HACL1: variants seen among roughly 807,000 people sequenced by gnomAD.
HACL1 encodes 1600020H07Rik.
Under a neutral mutation model 74.2 loss-of-function variants are expected in HACL1, and 64 were observed. The ratio of observed to expected loss-of-function variants is 0.86; its 90% CI spans 0.70 to 1.06. The LOEUF is 1.06. HACL1 is among the 50% of genes least tolerant of loss of function. HACL1 has a pLI of 0.00. For missense variants in HACL1, 728 were observed against 719.7 expected, an observed-to-expected ratio of 1.01 and a Z score of -0.13; for synonymous variants, 230 against 238.8, an observed-to-expected ratio of 0.96 and a Z score of 0.34.
intron 9 of HACL1, among the ~76,000 whole-genome samples, chr3:15,578,616 G>T (rs1415232314): frequency 1.3e-5 from 2 of 152,184 alleles, no homozygotes; most frequent in Non-Finnish European, 2.9e-5. Flanking sequence ...AGTATGGGGG[G>T]AAATGTCAGA....
chr3:15,569,398 A>G (rs1351877556), intron 12 of HACL1, among the ~76,000 whole-genome samples: 1 of 152,214 alleles, frequency 6.6e-6, no homozygotes, highest in Non-Finnish European at 1.5e-5. Context: ...TAAAATTGAG[A>G]CTGGTGGCCA....
chr3:15,581,880 G>A, intron 8 of HACL1, among the ~76,000 whole-genome samples: 1 of 152,282 alleles, frequency 6.6e-6, no homozygotes, highest in East Asian at 1.9e-4. Context: ...GTTAAAAGAA[G>A]AATGAAAACT....
chr3:15,596,326 C>T (rs1212787928), intron 3 of HACL1, 58 bp downstream of exon 3: 24 of 860,196 alleles, frequency 2.8e-5, no homozygotes, highest in Middle Eastern at 2.2e-4. Flanking sequence ...AGCTGAAAGA[C>T]GTAATAGTTC....
intron 8 of HACL1, among the ~76,000 whole-genome samples, chr3:15,580,953 G>C (rs1447071167): frequency 6.6e-6 from 1 of 152,266 alleles, no homozygotes. Context: ...CCAGGCTGGA[G>C]CGCAATGGCG....
At chr3:15,580,098 A>C (rs2063695665) in intron 8 of HACL1, 53 bp from the exon 9 acceptor site, 1 of 1,456,648 alleles carries the variant, frequency 6.9e-7, no homozygotes, top group Non-Finnish European at 9.4e-7. Context: ...AGGCACTGTG[A>C]CCCTTAAAAA....
chr3:15,578,340 A>T (rs899056614), intron 9 of HACL1, among the ~76,000 whole-genome samples: 2 of 152,162 alleles, frequency 1.3e-5, no homozygotes, highest in Non-Finnish European at 2.9e-5. Context: ...ACATTTCAAG[A>T]AATTAAAAAG....
intron 12 of HACL1, among the ~76,000 whole-genome samples, chr3:15,570,653 C>T (rs2063512472): frequency 6.6e-6 from 1 of 151,482 alleles, no homozygotes; most frequent in Non-Finnish European, 1.5e-5. Flanking sequence ...CACACACACA[C>T]TTTACTAGAA....
intron 2 of HACL1, among the ~76,000 whole-genome samples, chr3:15,598,045 T>A (rs1393757430): frequency 1.3e-5 from 2 of 151,720 alleles, no homozygotes; most frequent in African/African-American, 4.8e-5. Flanking sequence ...AGACAGAGTT[T>A]CGGAGTTTCG....
At chr3:15,585,726 T>G (rs76036819) in intron 6 of HACL1, among the ~76,000 whole-genome samples, 3,892 of 152,304 alleles carry the variant, frequency 0.026, 141 homozygotes, top group African/African-American at 0.078. Context: ...TCAAATGGTT[T>G]CTGTAACTCC....
chr3:15,601,431 C>T lies in HACL1; in HGVS notation c.33G>A (p.Glu11=). The T allele has an allele frequency of 6.2e-7, 1 of 1,613,900 alleles. No individual in the cohort carries two copies. Among genetic ancestry groups the T allele is most frequent in the Non-Finnish European group, 8.5e-7 (1 of 1,180,046 alleles). The change falls in exon 1 of 17, where the codon GAG becomes GAA. Residue 11 remains glutamate, a synonymous_variant. Coordinates refer to ENST00000321169, the MANE Select transcript of HACL1 (RefSeq NM_012260.4). ...TGACTTTAGCACCAGACACCTGCTC[C>T]TCGCTGCGCTCTGCGAAGTTACTGT... is the stretch of plus-strand genomic sequence containing the variant. MPDSNFAERS[E]EQVSGAKVIA... is the part of the protein sequence containing the mutation.
Position 15,596,386 on chromosome 3 carries a change from G to A in HACL1, c.225C>T (p.Ser75=). 6.3e-7 allele frequency: 1 copy of A among 1,579,422 alleles called. No homozygotes were observed. Among genetic ancestry groups the A allele is most frequent in the Non-Finnish European group, 8.7e-7 (1 of 1,148,538 alleles). ...AAGTGAAACAAATTTTAGTTTACCT[G>A]CTTGTCAGATATCCAATCGCGGAGG... ...YAASAIGYLT[S]RPGVCLVVSG... Residue 75 remains serine, a splice_region_variant and synonymous_variant, in exon 3 of 17, where the codon AGC becomes AGT. Coordinates refer to ENST00000321169, the MANE Select transcript of HACL1 (RefSeq NM_012260.4).
intron 8 of HACL1, among the ~76,000 whole-genome samples, chr3:15,582,395 C>T (rs2063729235): frequency 6.6e-6 from 1 of 151,742 alleles, no homozygotes; most frequent in African/African-American, 2.4e-5. Flanking sequence ...TAAATATTTG[C>T]CAGGAAAGTA....
At chr3:15,590,046 A>C (rs902102411) in intron 4 of HACL1, among the ~76,000 whole-genome samples, 1 of 152,090 alleles carries the variant, frequency 6.6e-6, no homozygotes, top group African/African-American at 2.4e-5. Flanking sequence ...AAAAAAAAGA[A>C]AGAAATTGTA....
rs184140091 is a variant in HACL1, at chr3:15,583,254, G to A, written c.555-265C>T. 1.1e-3 allele frequency among the ~76,000 whole-genome samples: 167 copies of A among 152,168 alleles called. 2 individuals carry two copies. In the Middle Eastern group the frequency reaches 0.024, roughly 22 times the overall value. On this transcript the variant is annotated intron_variant, in intron 7 of 16. Coordinates refer to ENST00000321169, the MANE Select transcript of HACL1 (RefSeq NM_012260.4). ...ATTTCTCCATGCAGCTGTGAATAAG[G>A]ACCTTCTCCTATATTCAACTATCAC...
At chr3:15,572,466 G>T (rs896290284) in intron 11 of HACL1, among the ~76,000 whole-genome samples, 3 of 152,146 alleles carry the variant, frequency 2.0e-5, no homozygotes, top group Non-Finnish European at 4.4e-5. Flanking sequence ...AACCCTCCTC[G>T]GTCTTTGACA....
At chr3:15,593,935 T>C (rs948774403) in intron 3 of HACL1, among the ~76,000 whole-genome samples, 10 of 151,864 alleles carry the variant, frequency 6.6e-5, no homozygotes, top group Non-Finnish European at 1.2e-4. Context: ...GTAGCTGGGA[T>C]TACAGGCATG....
intron 14 of HACL1, 129 bp downstream of exon 14, chr3:15,567,715 G>T (rs1027703179): frequency 6.1e-5 from 50 of 818,294 alleles, no homozygotes; most frequent in Non-Finnish European, 5.9e-5. Flanking sequence ...GCATCCTCAG[G>T]ACAGAACACA....
At chr3:15,567,164 C>G (rs1041700759) in intron 14 of HACL1, among the ~76,000 whole-genome samples, 1 of 148,698 alleles carries the variant, frequency 6.7e-6, no homozygotes, top group Non-Finnish European at 1.5e-5. Context: ...TTGATAGAAC[C>G]AGTATTTAAA....
At chr3:15,583,053 C>T in intron 7 of HACL1, 64 bp from the exon 8 acceptor site, 1 of 759,296 alleles carries the variant, frequency 1.3e-6, no homozygotes, top group Admixed American at 2.6e-5. Flanking sequence ...GTGAAAATTT[C>T]AAATATATAG....
Sources: gnomAD v4.1 joint callset for allele counts (sites outside exome capture counted in the v4.1 genomes callset) on GRCh38, gnomAD v4.1.1 for gene constraint, MANE v1.5 for transcripts, NCBI Gene and HGNC (gene_info 2026-07-23, HGNC 2026-07-21) for gene names.